The following ZFYVE1 variants were observed in gnomAD, a reference collection of about 807,000 sequenced individuals.
The protein encoded by ZFYVE1 is zinc finger FYVE-type containing 1.
A neutral mutation model predicts 74.4 loss-of-function variants in ZFYVE1; 30 were observed. The ratio of observed to expected loss-of-function variants is 0.40; its 90% confidence interval spans 0.30 to 0.55. The LOEUF is 0.55. Ranked by LOEUF, ZFYVE1 falls within the 20% of genes least tolerant of loss-of-function variation. The probability of loss-of-function intolerance (pLI) is 0.42; values close to 1 mark genes in which losing one functional copy is unlikely to be tolerated. For missense variants in ZFYVE1, 703 were observed against 1,011.6 expected, an observed-to-expected ratio of 0.69 and a Z score of 4.14; for synonymous variants, 335 against 385.1, an observed-to-expected ratio of 0.87 and a Z score of 1.52.
chr14:72,990,780 A>C (rs1230528780), intron 4 of ZFYVE1, among the ~76,000 whole-genome samples: 1 of 132,564 alleles, frequency 7.5e-6, no homozygotes, highest in Non-Finnish European at 1.5e-5. Context: ...GGCCCACTGC[A>C]ACCTCCACCT....
At chr14:72,987,606 T>A (rs1333397638) in intron 4 of ZFYVE1, among the ~76,000 whole-genome samples, 1 of 152,196 alleles carries the variant, frequency 6.6e-6, no homozygotes, top group Non-Finnish European at 1.5e-5. Flanking sequence ...AATTCAACTA[T>A]GAAATGGTTC....
chr14:72,978,332 G>A (rs1157774898), intron 6 of ZFYVE1, 98 bp from the exon 7 acceptor site: 1 of 1,154,728 alleles, frequency 8.7e-7, no homozygotes, highest in Non-Finnish European at 1.2e-6. Flanking sequence ...GTGAACTCCT[G>A]GGCTCAAGCA....
In ZFYVE1 at chr14:73,023,441, A is replaced by T. The variant is rs541663999; in HGVS notation, c.483+585T>A. ...TATGTTTTATATATATTATATATAT[A>T]TTTTATATATGTTTTATATATATAA... On this transcript the variant is annotated intron_variant, in intron 2 of 11. Transcript: ENST00000556143. Among the ~76,000 whole-genome samples, 109 of 132,472 alleles carry T rather than the reference A, an allele frequency of 8.2e-4. 1 individual carries two copies. The highest frequency in any genetic ancestry group is 2.8e-3 in the African/African-American group (101 of 35,690). 86.9% of individuals were successfully genotyped at this position (132,472 alleles called of 152,430 possible).
At chr14:73,010,677 G>A (rs990691198) in intron 2 of ZFYVE1, among the ~76,000 whole-genome samples, 4 of 149,806 alleles carry the variant, frequency 2.7e-5, no homozygotes, top group African/African-American at 9.8e-5. Flanking sequence ...GGTTGAGGCA[G>A]GAGAATCGCT....
intron 8 of ZFYVE1, among the ~76,000 whole-genome samples, chr14:72,976,864 G>C (rs1426063807): frequency 6.6e-6 from 1 of 152,054 alleles, no homozygotes; most frequent in Admixed American, 6.6e-5. Context: ...CTCAGGAGAG[G>C]ACCTGCAGGT....
In ZFYVE1 at chr14:72,978,893, G is replaced by A; in HGVS notation, c.1387C>T (p.His463Tyr). 6.2e-7 allele frequency: 1 copy of A among 1,614,122 alleles called. No individual in the cohort carries two copies. Among genetic ancestry groups the A allele is most frequent in the Non-Finnish European group, 8.5e-7 (1 of 1,179,970 alleles). ...HEAKSRCRYS[H>Y]QYDNRVYTCK... ...GTATACACTCGGTTGTCATACTGGT[G>A]GGAGTATCTGCAGCGGCTCTTGGCT... The change falls in exon 6 of 12, where the codon CAC (histidine) becomes TAC (tyrosine). Residue 463 changes from histidine to tyrosine, a missense_variant. Physicochemically the swap from His to Tyr is moderately conservative, Grantham distance 83. Transcript: ENST00000556143.
intron 4 of ZFYVE1, among the ~76,000 whole-genome samples, chr14:72,989,789 C>T (rs777740621): frequency 3.3e-5 from 5 of 151,392 alleles, no homozygotes; most frequent in Admixed American, 6.6e-5. Context: ...CAGAGCAAGA[C>T]CCTGTCTCAA....
At chr14:72,990,275 G>T (rs1893576412) in intron 4 of ZFYVE1, among the ~76,000 whole-genome samples, 1 of 151,802 alleles carries the variant, frequency 6.6e-6, no homozygotes, top group Non-Finnish European at 1.5e-5. Context: ...ATAGACAAAA[G>T]AATTCAGTCC....
chr14:72,999,127 C>G (rs12587491), intron 2 of ZFYVE1, among the ~76,000 whole-genome samples: 1 of 151,904 alleles, frequency 6.6e-6, no homozygotes, highest in South Asian at 2.1e-4. Context: ...CCCTGTGTCA[C>G]TACAAAAAAT....
In ZFYVE1 at chr14:73,003,912, A is replaced by T. The variant is rs543958853; in HGVS notation, c.484-5597T>A. On this transcript the variant is annotated intron_variant, in intron 2 of 11. Coordinates refer to ENST00000556143, the MANE Select transcript of ZFYVE1 (RefSeq NM_021260.4). ...GCACTCAGGACACCGCCTGGCACAC[A>T]GGAGGAGCTCAGTGTACAGCTGCTG... is the stretch of plus-strand genomic sequence containing the variant. 1.7e-4 allele frequency among the ~76,000 whole-genome samples: 26 copies of T among 152,302 alleles called. No homozygotes were observed. In the South Asian group the frequency reaches 5.4e-3, roughly 32 times the overall value.
chr14:73,004,550 G>A (rs1035270815), intron 2 of ZFYVE1, among the ~76,000 whole-genome samples: 1 of 152,096 alleles, frequency 6.6e-6, no homozygotes, highest in East Asian at 1.9e-4. Flanking sequence ...GTATTCGGGG[G>A]TATGTCCAAT....
intron 4 of ZFYVE1, among the ~76,000 whole-genome samples, chr14:72,990,721 G>T (rs1401100818): frequency 8.7e-6 from 1 of 114,778 alleles, no homozygotes; most frequent in African/African-American, 3.1e-5. Flanking sequence ...TTTTTGAGAG[G>T]GAGTCTAGGT....
intron 4 of ZFYVE1, among the ~76,000 whole-genome samples, chr14:72,982,311 T>C (rs1893355111): frequency 6.6e-6 from 1 of 152,090 alleles, no homozygotes; most frequent in Admixed American, 6.6e-5. Context: ...CCCGGGCTTC[T>C]ATCCCAGCTA....
intron 2 of ZFYVE1, among the ~76,000 whole-genome samples, chr14:73,011,406 G>T (rs1251457199): frequency 6.6e-6 from 1 of 152,138 alleles, no homozygotes; most frequent in Non-Finnish European, 1.5e-5. Flanking sequence ...AGGACGGCTT[G>T]AGCCAGGGAG....
chr14:73,017,966 A>T (rs887730442), intron 2 of ZFYVE1, among the ~76,000 whole-genome samples: 3 of 152,168 alleles, frequency 2.0e-5, no homozygotes, highest in African/African-American at 7.2e-5. Context: ...ATGCATTGGC[A>T]CCTGCTTCCC....
chr14:73,020,223 C>A (rs1935021432), intron 2 of ZFYVE1, among the ~76,000 whole-genome samples: 1 of 129,358 alleles, frequency 7.7e-6, no homozygotes, highest in Non-Finnish European at 1.5e-5. Context: ...CCATCACACT[C>A]CAGCACCTGC....
At chr14:73,023,302 ATT>A (rs1170848434) in intron 2 of ZFYVE1, among the ~76,000 whole-genome samples, 1 of 115,492 alleles carries the variant, frequency 8.7e-6, no homozygotes, top group Non-Finnish European at 1.7e-5. Flanking sequence ...TATAATATAT[ATT>A]ATATATGTTT....
Position 72,998,054 on chromosome 14 carries a change from T to C in ZFYVE1, c.745A>G (p.Arg249Gly). 1.2e-6 allele frequency: 2 copies of C among 1,614,084 alleles called. No homozygotes were observed. Among genetic ancestry groups the C allele is most frequent in the Non-Finnish European group, 1.7e-6 (2 of 1,179,994 alleles). The change falls in exon 3 of 12, where the codon AGA (arginine) becomes GGA (glycine). Residue 249 changes from arginine to glycine, a missense_variant. Arg to Gly is a moderately radical substitution (Grantham distance 125). This residue lies in a region of ZFYVE1 where 492 missense variants were observed against 790.0 expected (regional missense o/e 0.62). Coordinates refer to ENST00000556143, the MANE Select transcript of ZFYVE1 (RefSeq NM_021260.4). ...LLGATVNLSQ[R>G]TRLLLKVLAI... ...AGGACCTTAAGCAGCAGCCGTGTTC[T>C]CTGGCTTAGATTCACGGTGGCCCCC...
chr14:73,001,865 T>C (rs1411832795), intron 2 of ZFYVE1, among the ~76,000 whole-genome samples: 2 of 151,938 alleles, frequency 1.3e-5, no homozygotes, highest in Non-Finnish European at 2.9e-5. Flanking sequence ...GGAGAATCGC[T>C]TGAACCCAGG....
Sources: gnomAD v4.1 joint callset for allele counts (sites outside exome capture counted in the v4.1 genomes callset) on GRCh38, gnomAD v4.1.1 for gene constraint, gnomAD v4.1.1 regional missense constraint, MANE v1.5 for transcripts, NCBI Gene and HGNC (gene_info 2026-07-23, HGNC 2026-07-21) for gene names.